The following IL20RA variants were observed in gnomAD, a reference collection of about 807,000 sequenced individuals.
IL20RA encodes the protein interleukin 20 receptor subunit alpha.
Under a neutral mutation model 36.5 loss-of-function variants are expected in IL20RA, and 29 were observed. The ratio of observed to expected loss-of-function variants is 0.79; its 90% confidence interval spans 0.59 to 1.08. IL20RA has a LOEUF of 1.08. Among genes scored for constraint, IL20RA ranks in the 50% least tolerant of loss-of-function variants. The pLI, the probability that IL20RA is intolerant of heterozygous loss-of-function variation, is 0.00. For missense variants in IL20RA, 652 were observed against 668.4 expected (o/e 0.98, Z 0.27); for synonymous variants, 279 against 267.1 (o/e 1.04, Z -0.43).
intron 1 of IL20RA, among the ~76,000 whole-genome samples, chr6:137,025,486 C>T (rs276492): frequency 0.82 from 124,966 of 152,230 alleles, 56,622 homozygotes; most frequent in East Asian, 1. Flanking sequence ...ACATTCTGTT[C>T]TAGCAGCTGG....
At chr6:137,009,555 C>A in intron 3 of IL20RA, 63 bp from the exon 4 acceptor site, 2 of 942,288 alleles carry the variant, frequency 2.1e-6, no homozygotes, top group Non-Finnish European at 3.4e-6. Context: ...GGTAAAGCTA[C>A]CATATAATCC....
Position 137,044,836 on chromosome 6 carries a change from G to A in IL20RA, c.-108C>T. Reference sequence around the variant, plus strand: ...CTCAGCTCCGCGCCTGGGGCTCTGCGTGCCACGCTCCAGGCGACCTGAGTC... The same window carrying A: ...CTCAGCTCCGCGCCTGGGGCTCTGCATGCCACGCTCCAGGCGACCTGAGTC... On this transcript the variant is annotated 5_prime_UTR_variant, in exon 1 of 7. The change creates a new upstream start codon in the 5' untranslated region. Transcript: ENST00000316649. The A allele has an allele frequency of 2.9e-6, 3 of 1,042,856 alleles. No individual in the cohort carries two copies. The highest frequency in any genetic ancestry group is 4.9e-5 in the South Asian group (1 of 20,322). 64.6% of individuals were successfully genotyped at this position (1,042,856 alleles called of 1,614,324 possible). A position where few individuals can be genotyped will look rare whatever the true frequency, so the allele number is the denominator to read the frequency against.
At position 137,044,802 on chromosome 6, in the gene IL20RA, C is replaced by A; in HGVS notation, c.-74G>T. The A allele has an allele frequency of 8.4e-7, 1 of 1,195,508 alleles. No individual in the cohort carries two copies. Among genetic ancestry groups the A allele is most frequent in the Non-Finnish European group, 1.0e-6 (1 of 963,390 alleles). The allele number at this position is 1,195,508 out of a possible 1,614,324, so 74.1% of individuals were successfully genotyped here. ...CCACGCCCGCTGGGGCCAAGCGCGG[C>A]CGCGCGGCCTCAGCTCCGCGCCTGG... On this transcript the variant is annotated 5_prime_UTR_variant, in exon 1 of 7. Coordinates refer to ENST00000316649, the MANE Select transcript of IL20RA (RefSeq NM_014432.4).
At position 137,009,367 on chromosome 6, in the gene IL20RA, A is replaced by G. The variant is rs1775392088; in HGVS notation, c.529T>C (p.Ser177Pro). 6.2e-7 allele frequency: 1 copy of G among 1,613,220 alleles called. No individual in the cohort carries two copies. Among genetic ancestry groups the G allele is most frequent in the African/African-American group, 1.3e-5 (1 of 74,798 alleles). ...ACAGACACGTTATACTTCAGATTGGAGTATATTTGTTGCATGGAAACAGGA... is the reference window on the plus strand; with the variant it reads ...ACAGACACGTTATACTTCAGATTGGGGTATATTTGTTGCATGGAAACAGGA... ...DLPVSMQQIY[S>P]NLKYNVSVLN... is the part of the protein sequence containing the mutation. Residue 177 changes from serine to proline, a missense_variant, in exon 4 of 7, where the codon TCC becomes CCC. By Grantham distance (74) the Ser-to-Pro change is moderately conservative (BLOSUM62 -1). Transcript: ENST00000316649.
intron 1 of IL20RA, among the ~76,000 whole-genome samples, chr6:137,026,957 C>A (rs778359020): frequency 6.6e-6 from 1 of 152,048 alleles, no homozygotes; most frequent in African/African-American, 2.4e-5. Context: ...TCTTGGCTCA[C>A]TGCAACCTCC....
chr6:137,003,645 T>C (rs1447151135), intron 6 of IL20RA, among the ~76,000 whole-genome samples: 4 of 152,350 alleles, frequency 2.6e-5, no homozygotes, highest in Non-Finnish European at 4.4e-5. Flanking sequence ...TAAACCTTGA[T>C]ACTGACTATG....
In IL20RA at chr6:137,018,938, A is replaced by C. The variant is rs181551967; in HGVS notation, c.89-1835T>G. ...AAAATAAAATAGACTGTGCATTATA[A>C]TATCACTGGTGGAAGACATTGTCAA... On this transcript the variant is annotated intron_variant, in intron 1 of 6. Coordinates refer to ENST00000316649, the MANE Select transcript of IL20RA (RefSeq NM_014432.4). 2.3e-3 allele frequency among the ~76,000 whole-genome samples: 357 copies of C among 152,318 alleles called. 1 individual carries two copies. The highest frequency in any genetic ancestry group is 3.7e-3 in the Non-Finnish European group (255 of 68,038).
chr6:137,002,685 A>G (rs1775122215), intron 6 of IL20RA, among the ~76,000 whole-genome samples: 1 of 152,240 alleles, frequency 6.6e-6, no homozygotes, highest in African/African-American at 2.4e-5. Flanking sequence ...CTGTAAAGTC[A>G]GAATCTCAGC....
intron 1 of IL20RA, among the ~76,000 whole-genome samples, chr6:137,023,358 G>C (rs1463111121): frequency 1.3e-5 from 2 of 152,084 alleles, no homozygotes; most frequent in African/African-American, 2.4e-5. Context: ...CAGTGGCCAA[G>C]ATGAAATCTA....
At chr6:137,008,483 G>T in intron 5 of IL20RA, 116 bp downstream of exon 5, 1 of 1,088,288 alleles carries the variant, frequency 9.2e-7, no homozygotes, top group Non-Finnish European at 1.3e-6. Flanking sequence ...TTCTGCCTTT[G>T]CCTCAACCTG....
intron 1 of IL20RA, among the ~76,000 whole-genome samples, chr6:137,032,406 T>A (rs1288376779): frequency 6.6e-6 from 1 of 152,170 alleles, no homozygotes; most frequent in African/African-American, 2.4e-5. Flanking sequence ...GGAACCCTAC[T>A]CCTTCATAGA....
intron 1 of IL20RA, among the ~76,000 whole-genome samples, chr6:137,024,913 T>C (rs1776033334): frequency 6.6e-6 from 1 of 152,234 alleles, no homozygotes; most frequent in African/African-American, 2.4e-5. Flanking sequence ...GGAAGGGTCA[T>C]CAACTCTGGA....
chr6:137,036,933 A>G (rs967431151), intron 1 of IL20RA, among the ~76,000 whole-genome samples: 1 of 152,228 alleles, frequency 6.6e-6, no homozygotes, highest in African/African-American at 2.4e-5. Flanking sequence ...GTTGAGCAAA[A>G]AAACCAAAAC....
At chr6:137,043,411 T>C (rs1776773581) in intron 1 of IL20RA, among the ~76,000 whole-genome samples, 1 of 152,180 alleles carries the variant, frequency 6.6e-6, no homozygotes, top group Admixed American at 6.5e-5. Flanking sequence ...CCAGCTTCTC[T>C]CTTCGATTAA....
intron 3 of IL20RA, among the ~76,000 whole-genome samples, chr6:137,009,821 G>A (rs1775418506): frequency 1.3e-5 from 2 of 151,932 alleles, no homozygotes; most frequent in South Asian, 4.1e-4. Context: ...GGCCAGGCTT[G>A]TCTCGAACTC....
intron 1 of IL20RA, among the ~76,000 whole-genome samples, chr6:137,035,646 C>T (rs986694720): frequency 6.6e-6 from 1 of 152,076 alleles, no homozygotes; most frequent in Admixed American, 6.5e-5. Flanking sequence ...TACACTGAGT[C>T]GGGATATAGT....
At chr6:137,012,650 A>C (rs66735796) in intron 2 of IL20RA, among the ~76,000 whole-genome samples, 30,388 of 152,106 alleles carry the variant, frequency 0.2, 3,659 homozygotes, top group Non-Finnish European at 0.27. Flanking sequence ...CATGGAAACA[A>C]AATAAAGTCT....
At chr6:137,010,984 C>T (rs936525033) in intron 3 of IL20RA, among the ~76,000 whole-genome samples, 1 of 151,916 alleles carries the variant, frequency 6.6e-6, no homozygotes, top group African/African-American at 2.4e-5. Context: ...TGCCTGTAAC[C>T]CTAACACTTT....
intron 1 of IL20RA, among the ~76,000 whole-genome samples, chr6:137,024,254 G>A (rs1776010562): frequency 1.3e-5 from 2 of 152,164 alleles, no homozygotes; most frequent in Admixed American, 6.5e-5. Flanking sequence ...AGTTTGAAAA[G>A]CATGATGAAA....
Sources: allele counts gnomAD v4.1 joint callset (sites outside exome capture counted in the v4.1 genomes callset), GRCh38; gene constraint gnomAD v4.1.1; transcripts MANE v1.5; gene names NCBI Gene and HGNC (gene_info 2026-07-23, HGNC 2026-07-21).